The following FMN1 variants were observed in gnomAD, a reference collection of about 807,000 sequenced individuals.
FMN1 encodes the protein formin-1.
FMN1 carries 110 observed loss-of-function variants against 132.4 expected under a neutral mutation model. That is an observed-to-expected ratio of 0.83 (90% CI 0.71 to 0.97). The LOEUF (loss-of-function observed/expected upper bound fraction) is 0.97. Ranked by LOEUF, FMN1 falls within the 50% of genes least tolerant of loss-of-function variation. FMN1 has a pLI of 0.00. For synonymous variants in FMN1, 722 were observed against 651.7 expected, an observed-to-expected ratio of 1.11 and a Z score of -1.64; for missense variants, 1,792 against 1,705.3, an observed-to-expected ratio of 1.05 and a Z score of -0.90.
At chr15:33,134,186 T>C (rs937918718) in intron 4 of FMN1, among the ~76,000 whole-genome samples, 1 of 152,194 alleles carries the variant, frequency 6.6e-6, no homozygotes, top group African/African-American at 2.4e-5. Context: ...TGGGCTCAAG[T>C]GATCTTCCTG....
intron 4 of FMN1, among the ~76,000 whole-genome samples, chr15:33,112,834 G>T (rs1467166553): frequency 6.6e-6 from 1 of 152,266 alleles, no homozygotes; most frequent in South Asian, 2.1e-4. Flanking sequence ...GGCATTTGCA[G>T]CAGAGTTATC....
At chr15:32,892,442 T>C (rs1170548290) in intron 15 of FMN1, among the ~76,000 whole-genome samples, 1 of 152,222 alleles carries the variant, frequency 6.6e-6, no homozygotes, top group Non-Finnish European at 1.5e-5. Context: ...TTTTGATATG[T>C]TGTTGGATGC....
At chr15:33,101,860 C>G (rs930051106) in intron 4 of FMN1, among the ~76,000 whole-genome samples, 1 of 152,116 alleles carries the variant, frequency 6.6e-6, no homozygotes. Context: ...TCTGAATCCC[C>G]ATCTATAACC....
chr15:32,942,003 C>T (rs973748234), intron 9 of FMN1, among the ~76,000 whole-genome samples: 1 of 152,142 alleles, frequency 6.6e-6, no homozygotes, highest in Non-Finnish European at 1.5e-5. Flanking sequence ...TTCCACTGAC[C>T]TACAAGCTGA....
chr15:33,088,875 G>A lies in FMN1; in HGVS notation c.1967C>T (p.Ala656Val), dbSNP rs1230556794. The change falls in exon 5 of 21, where the codon GCG becomes GTG. Residue 656 changes from alanine to valine, a missense_variant. This residue lies in a region of FMN1 where 1,150 missense variants were observed against 1,043.1 expected (regional missense o/e 1.10). Coordinates refer to ENST00000616417, the MANE Select transcript of FMN1 (RefSeq NM_001277313.2). Reference protein sequence around the residue: ...DGGAWVLGYRAGPACPFLLHE... With the variant: ...DGGAWVLGYRVGPACPFLLHE... ...AAGCAAAAATGGACAGGCTGGTCCC[G>A]CTCTGTAGCCCAGAACCCACGCGCC... 3.2e-5 allele frequency: 49 copies of A among 1,535,756 alleles called. No homozygotes were observed. Among genetic ancestry groups the A allele is most frequent in the East Asian group, 1.7e-4 (7 of 40,914 alleles).
chr15:32,931,923 T>TA (rs1374935635), intron 9 of FMN1, among the ~76,000 whole-genome samples: 1 of 152,224 alleles, frequency 6.6e-6, no homozygotes, highest in African/African-American at 2.4e-5. Context: ...GATGAGTTTT[T>TA]ATCAGAAAAC....
chr15:32,845,231 G>A (rs570559980), intron 17 of FMN1, among the ~76,000 whole-genome samples: 2 of 152,274 alleles, frequency 1.3e-5, no homozygotes, highest in African/African-American at 4.8e-5. Context: ...CAATAATTAC[G>A]TGAGGCAATT....
At chr15:32,910,997 T>C (rs754673459) in intron 10 of FMN1, among the ~76,000 whole-genome samples, 3 of 152,234 alleles carry the variant, frequency 2.0e-5, no homozygotes, top group African/African-American at 4.8e-5. Context: ...TTCAGGCACC[T>C]TTCCGTGGCC....
intron 17 of FMN1, among the ~76,000 whole-genome samples, chr15:32,825,133 G>A (rs1054457060): frequency 7.2e-5 from 11 of 152,132 alleles, no homozygotes; most frequent in African/African-American, 2.7e-4. Context: ...CCACCAGCCT[G>A]GTCCAAGATG....
chr15:33,012,221 T>G, intron 6 of FMN1: 1 of 661,168 alleles, frequency 1.5e-6, no homozygotes. Context: ...AGGAATCATT[T>G]TGAGCAATGG....
chr15:33,053,133 G>A (rs1414721508), intron 6 of FMN1, among the ~76,000 whole-genome samples: 2 of 152,172 alleles, frequency 1.3e-5, no homozygotes, highest in African/African-American at 2.4e-5. Context: ...GACCCACTGA[G>A]TGCAGGTACT....
chr15:33,177,371 T>C (rs1595604040), intron 3 of FMN1, among the ~76,000 whole-genome samples: 1 of 152,208 alleles, frequency 6.6e-6, no homozygotes, highest in Admixed American at 6.5e-5. Context: ...TCACCTGAGA[T>C]GGTTTCTACC....
intron 4 of FMN1, among the ~76,000 whole-genome samples, chr15:33,114,274 G>C (rs75840623): frequency 0.034 from 5,156 of 152,284 alleles, 238 homozygotes; most frequent in African/African-American, 0.1. Context: ...CAAGGACGAG[G>C]AATGAAGCAG....
intron 4 of FMN1, among the ~76,000 whole-genome samples, chr15:33,099,603 T>C (rs1023134613): frequency 6.6e-6 from 1 of 152,204 alleles, no homozygotes; most frequent in African/African-American, 2.4e-5. Context: ...AGTGCCGTTC[T>C]TTCCAGGATG....
chr15:32,803,921 C>T (rs564820845), intron 18 of FMN1, among the ~76,000 whole-genome samples: 17 of 152,276 alleles, frequency 1.1e-4, no homozygotes, highest in African/African-American at 3.8e-4. Flanking sequence ...ACTCCAGCTT[C>T]CAAGTGAAGC....
At chr15:33,116,939 C>T (rs529769024) in intron 4 of FMN1, among the ~76,000 whole-genome samples, 2 of 151,864 alleles carry the variant, frequency 1.3e-5, no homozygotes, top group South Asian at 2.1e-4. Flanking sequence ...TCAATAAATG[C>T]TTATTATTAC....
chr15:33,021,275 C>A (rs2035403401), intron 6 of FMN1, among the ~76,000 whole-genome samples: 3 of 152,192 alleles, frequency 2.0e-5, no homozygotes, highest in Admixed American at 2.0e-4. Context: ...ATGCTTGTTA[C>A]CGAAAGCTGC....
intron 16 of FMN1, among the ~76,000 whole-genome samples, chr15:32,886,474 CA>C (rs1407425093): frequency 8.5e-5 from 13 of 152,206 alleles, no homozygotes; most frequent in Non-Finnish European, 1.9e-4. Flanking sequence ...CCTCCCTAGA[CA>C]AAAGAAGGTG....
intron 16 of FMN1, among the ~76,000 whole-genome samples, chr15:32,863,948 A>G (rs941945493): frequency 2.0e-5 from 3 of 152,262 alleles, no homozygotes; most frequent in Non-Finnish European, 2.9e-5. Context: ...ATAAAATACT[A>G]AAGTTAGAAC....
Sources: allele counts gnomAD v4.1 joint callset (sites outside exome capture counted in the v4.1 genomes callset), GRCh38; gene constraint gnomAD v4.1.1; regional missense constraint gnomAD v4.1.1; transcripts MANE v1.5; gene names NCBI Gene and HGNC (gene_info 2026-07-23, HGNC 2026-07-21).